The following B4GALNT3 variants were observed in gnomAD, a reference collection of about 807,000 sequenced individuals.
B4GALNT3 encodes the protein beta-1,4-N-acetylgalactosaminyltransferase 3.
A neutral mutation model predicts 120.2 loss-of-function variants in B4GALNT3; 86 were observed. The ratio of observed to expected loss-of-function variants is 0.72; its 90% CI spans 0.60 to 0.86. The LOEUF (loss-of-function observed/expected upper bound fraction) is 0.86. B4GALNT3 is among the 40% of genes least tolerant of loss of function. The pLI is 0.00. For missense variants in B4GALNT3, 1,167 were observed against 1,298.9 expected (o/e 0.90, Z 1.56); for synonymous variants, 518 against 510.4 (o/e 1.01, Z -0.20).
chr12:530,909 G>T (rs1345573648), intron 1 of B4GALNT3, among the ~76,000 whole-genome samples: 1 of 152,148 alleles, frequency 6.6e-6, no homozygotes, highest in African/African-American at 2.4e-5. Flanking sequence ...GAGGCCCACG[G>T]TGGTGCTTTA....
At chr12:512,880 C>A (rs1946607009) in intron 1 of B4GALNT3, among the ~76,000 whole-genome samples, 1 of 148,644 alleles carries the variant, frequency 6.7e-6, no homozygotes, top group Non-Finnish European at 1.5e-5. Context: ...CCACCTTCCA[C>A]ATTCCACCTT....
intron 1 of B4GALNT3, among the ~76,000 whole-genome samples, chr12:514,477 A>G (rs539977937): frequency 1.7e-3 from 258 of 152,038 alleles, no homozygotes; most frequent in Admixed American, 3.7e-3. Flanking sequence ...GATTACAGGC[A>G]TGAGCCACCA....
intron 16 of B4GALNT3, 36 bp downstream of exon 16, chr12:557,797 C>A: frequency 6.3e-7 from 1 of 1,578,530 alleles, no homozygotes. Flanking sequence ...TGGCATGGGC[C>A]ACGTCCATCC....
chr12:492,771 A>G (rs1339385487), intron 1 of B4GALNT3, among the ~76,000 whole-genome samples: 3 of 152,232 alleles, frequency 2.0e-5, no homozygotes, highest in Non-Finnish European at 4.4e-5. Flanking sequence ...GGATAAGTAG[A>G]TCAATGGAAT....
At chr12:539,257 C>T (rs1946891225) in intron 3 of B4GALNT3, among the ~76,000 whole-genome samples, 1 of 152,196 alleles carries the variant, frequency 6.6e-6, no homozygotes, top group Non-Finnish European at 1.5e-5. Context: ...TTCACACCAA[C>T]ACTGATCACA....
intron 1 of B4GALNT3, among the ~76,000 whole-genome samples, chr12:511,341 CTTCCACCTTCCACCTTCCACCTTCA>C (rs1388166906): frequency 0.024 from 1,514 of 62,568 alleles, 53 homozygotes; most frequent in South Asian, 0.034. Flanking sequence ...TTCCACCTTC[CTTCCACCTTCCACCTTCCACCTTCA>C]ACCTTCCGCC....
chr12:551,143 A>G (rs906332248), intron 11 of B4GALNT3, 112 bp downstream of exon 11: 53 of 928,730 alleles, frequency 5.7e-5, no homozygotes, highest in South Asian at 3.2e-4. Flanking sequence ...ATCCCATCCC[A>G]GCAGACAGGA....
At chr12:469,187 T>G (rs886129130) in intron 1 of B4GALNT3, among the ~76,000 whole-genome samples, 2 of 152,128 alleles carry the variant, frequency 1.3e-5, no homozygotes, top group African/African-American at 4.8e-5. Context: ...AGGTTCCAGT[T>G]CAAGCGCCAT....
chr12:474,247 G>A (rs1376967020), intron 1 of B4GALNT3, among the ~76,000 whole-genome samples: 1 of 152,164 alleles, frequency 6.6e-6, no homozygotes, highest in East Asian at 1.9e-4. Flanking sequence ...AAATGATCGT[G>A]GCTTTCTTCT....
chr12:496,848 A>T (rs1946393815), intron 1 of B4GALNT3, among the ~76,000 whole-genome samples: 1 of 152,152 alleles, frequency 6.6e-6, no homozygotes. Flanking sequence ...TTCAAAATTC[A>T]TCCATGTGTA....
At chr12:557,226 C>G (rs1281607745) in intron 15 of B4GALNT3, among the ~76,000 whole-genome samples, 2 of 152,090 alleles carry the variant, frequency 1.3e-5, no homozygotes, top group African/African-American at 4.8e-5. Flanking sequence ...GAAGGAGGAA[C>G]ACACAACAGG....
At chr12:533,458 A>T (rs147757482) in intron 1 of B4GALNT3, among the ~76,000 whole-genome samples, 1 of 152,246 alleles carries the variant, frequency 6.6e-6, no homozygotes, top group African/African-American at 2.4e-5. Context: ...CCCTGCAACC[A>T]TAACACGAGT....
Position 553,484 on chromosome 12 carries a change from G to A in B4GALNT3, c.1561G>A (p.Glu521Lys), listed in dbSNP as rs779204536. ...GAAGAGGAAGCAAAAACCCAGCCCT[G>A]AGCCCAGCCAAGATTCACCTCATTC... is the stretch of plus-strand genomic sequence containing the variant. ...PEKRKQKPSP[E>K]PSQDSPHSDK... Residue 521 changes from glutamate to lysine, a missense_variant, in exon 14 of 20, where the codon GAG becomes AAG. This residue lies in a region of B4GALNT3 where 983 missense variants were observed against 1,102.5 expected (regional missense o/e 0.89). Coordinates refer to ENST00000266383, the MANE Select transcript of B4GALNT3 (RefSeq NM_173593.4). 4 of 1,614,162 alleles carry A rather than the reference G, an allele frequency of 2.5e-6. No individual in the cohort carries two copies. Among genetic ancestry groups the A allele is most frequent in the Middle Eastern group, 1.6e-4 (1 of 6,062 alleles).
chr12:543,082 CCTGGGGAATGAA>C, intron 3 of B4GALNT3: 1 of 1,271,896 alleles, frequency 7.9e-7, no homozygotes, highest in South Asian at 1.2e-5. Context: ...GTCCCCGTTG[CCTGGGGAATGAA>C]CACCAGCCCC....
intron 1 of B4GALNT3, among the ~76,000 whole-genome samples, chr12:477,350 G>A (rs1362811505): frequency 1.5e-4 from 23 of 152,162 alleles, no homozygotes; most frequent in Admixed American, 1.4e-3. Flanking sequence ...ACTAGCTGAA[G>A]TTATTGCCAC....
intron 1 of B4GALNT3, among the ~76,000 whole-genome samples, chr12:511,431 T>TCAACCTTCCGCCTTCCGC (rs1349659096): frequency 2.1e-5 from 1 of 48,534 alleles, no homozygotes; most frequent in Non-Finnish European, 3.5e-5. Flanking sequence ...CCTTCCACCT[T>TCAACCTTCCGCCTTCCGC]CTTCCACCTT....
Position 553,222 on chromosome 12 carries a change from C to T in B4GALNT3, c.1299C>T (p.Ser433=). The part of the protein sequence containing the change: ...PGFEENLLEE[S]QYGEVAEETP... ...TTGAGGAAAACCTTCTAGAAGAGTCCCAGTATGGGGAAGTGGCAGAGGAGA... is the reference window on the plus strand; with the variant it reads ...TTGAGGAAAACCTTCTAGAAGAGTCTCAGTATGGGGAAGTGGCAGAGGAGA... Residue 433 remains serine, a synonymous_variant, in exon 14 of 20, where the codon TCC becomes TCT. Coordinates refer to ENST00000266383, the MANE Select transcript of B4GALNT3 (RefSeq NM_173593.4). 1 of 1,613,296 alleles carries T rather than the reference C, an allele frequency of 6.2e-7. No homozygotes were observed. The highest frequency in any genetic ancestry group is 8.5e-7 in the Non-Finnish European group (1 of 1,179,906).
intron 1 of B4GALNT3, among the ~76,000 whole-genome samples, chr12:519,703 C>T (rs1946687550): frequency 6.6e-6 from 1 of 151,830 alleles, no homozygotes; most frequent in African/African-American, 2.4e-5. Flanking sequence ...TTGATTCCCA[C>T]CAGACCTTGT....
intron 2 of B4GALNT3, 99 bp from the exon 3 acceptor site, chr12:536,119 G>A (rs904364475): frequency 1.5e-5 from 14 of 922,870 alleles, no homozygotes; most frequent in African/African-American, 6.5e-5. Context: ...AGCGTGCTCC[G>A]AGCCGACGCC....
Sources: allele counts gnomAD v4.1 joint callset (sites outside exome capture counted in the v4.1 genomes callset), GRCh38; gene constraint gnomAD v4.1.1; regional missense constraint gnomAD v4.1.1; transcripts MANE v1.5; gene names NCBI Gene and HGNC (gene_info 2026-07-23, HGNC 2026-07-21).